SYN3: variants seen among roughly 807,000 people sequenced by gnomAD.
The protein encoded by SYN3 is synapsin-3.
In SYN3, 35 loss-of-function variants were observed where a neutral mutation model predicts 65.8. That is an observed-to-expected ratio of 0.53 (90% CI 0.41 to 0.70). The LOEUF (loss-of-function observed/expected upper bound fraction) is 0.70. Ranked by LOEUF, SYN3 falls within the 30% of genes least tolerant of loss-of-function variation. SYN3 has a pLI of 0.00. For missense variants in SYN3, 680 were observed against 749.0 expected (o/e 0.91, Z 1.08); for synonymous variants, 270 against 292.9 (o/e 0.92, Z 0.80).
intron 1 of SYN3, among the ~76,000 whole-genome samples, chr22:33,021,988 C>G (rs2145863762): frequency 6.6e-6 from 1 of 152,204 alleles, no homozygotes; most frequent in South Asian, 2.1e-4. Context: ...ACTATCTTCA[C>G]TTGTTGTTTG....
At chr22:32,828,056 C>T (rs910183707) in intron 6 of SYN3, among the ~76,000 whole-genome samples, 2 of 152,224 alleles carry the variant, frequency 1.3e-5, no homozygotes, top group African/African-American at 2.4e-5. Flanking sequence ...ATTCCTCCTC[C>T]GTTACTTAGG....
chr22:32,537,525 A>T (rs1308237370), intron 9 of SYN3, among the ~76,000 whole-genome samples: 1 of 152,212 alleles, frequency 6.6e-6, no homozygotes, highest in Non-Finnish European at 1.5e-5. Flanking sequence ...CCCTTCAGCC[A>T]GAGAGCATCC....
intron 8 of SYN3, among the ~76,000 whole-genome samples, chr22:32,540,441 A>G (rs2058236394): frequency 6.6e-6 from 1 of 152,210 alleles, no homozygotes; most frequent in Non-Finnish European, 1.5e-5. Context: ...CCCTGCACAC[A>G]GTCAGTGCCC....
intron 6 of SYN3, among the ~76,000 whole-genome samples, chr22:32,755,565 T>C (rs2045264596): frequency 6.6e-6 from 1 of 152,190 alleles, no homozygotes; most frequent in African/African-American, 2.4e-5. Flanking sequence ...GTTCTTTCCA[T>C]TAGTTTATCT....
chr22:32,561,064 A>G (rs1236073912), intron 7 of SYN3, among the ~76,000 whole-genome samples: 2 of 152,116 alleles, frequency 1.3e-5, no homozygotes, highest in African/African-American at 2.4e-5. Flanking sequence ...AAGCCTGCGG[A>G]GGAGCAGTTG....
At chr22:32,954,961 A>AT (rs1254063201) in intron 3 of SYN3, among the ~76,000 whole-genome samples, 1 of 109,784 alleles carries the variant, frequency 9.1e-6, no homozygotes, top group East Asian at 2.5e-4. Flanking sequence ...TTTTCTTTTC[A>AT]TTTTAAAGGT....
At chr22:32,858,013 G>A in intron 6 of SYN3, 2 of 1,614,148 alleles carry the variant, frequency 1.2e-6, no homozygotes, top group Non-Finnish European at 1.7e-6. Context: ...CTTTCCTCCT[G>A]TAGGTCGCGT....
At position 33,022,592 on chromosome 22, in the gene SYN3, C is replaced by T. The variant is rs115967738; in HGVS notation, c.-162-15768G>A. Among the ~76,000 whole-genome samples, 926 of 152,222 alleles carry T rather than the reference C, an allele frequency of 6.1e-3. 9 individuals are homozygous for T. Among genetic ancestry groups the T allele is most frequent in the African/African-American group, 0.021 (853 of 41,532 alleles). On this transcript the variant is annotated intron_variant, in intron 1 of 13. Coordinates refer to ENST00000358763, the MANE Select transcript of SYN3 (RefSeq NM_003490.4). The stretch of plus-strand genomic sequence containing the variant: ...ATCATTGTTCTCGTGAGTGGGACAC[C>T]GTGGGTCCCCAGACAAGAAGAATTT...
intron 6 of SYN3, among the ~76,000 whole-genome samples, chr22:32,655,060 GT>G (rs891110731): frequency 6.6e-6 from 1 of 152,216 alleles, no homozygotes; most frequent in Non-Finnish European, 1.5e-5. Flanking sequence ...GAATGGATGT[GT>G]CCCTCCAAAT....
chr22:32,827,198 CTT>C (rs1253408751), intron 6 of SYN3, among the ~76,000 whole-genome samples: 18 of 152,210 alleles, frequency 1.2e-4, no homozygotes, highest in Non-Finnish European at 1.6e-4. Flanking sequence ...CAGCGAGTGA[CTT>C]TGCGTGGAGT....
intron 4 of SYN3, among the ~76,000 whole-genome samples, chr22:32,880,353 C>G (rs137499): frequency 0.8 from 122,269 of 152,182 alleles, 49,618 homozygotes; most frequent in African/African-American, 0.88. Context: ...TGAGGGGTGA[C>G]GGTGGTAGCT....
intron 13 of SYN3, 59 bp from the exon 14 acceptor site, chr22:32,513,883 G>A (rs1249902874): frequency 1.2e-6 from 2 of 1,603,394 alleles, no homozygotes; most frequent in East Asian, 2.2e-5. Context: ...AAAGAAATGG[G>A]TCTTGGGGGC....
At position 32,538,052 on chromosome 22, in the gene SYN3, C is replaced by T. The variant is rs2058194654; in HGVS notation, c.976G>A (p.Val326Met). The T allele has an allele frequency of 1.2e-6, 2 of 1,614,166 alleles. No individual in the cohort carries two copies. The highest frequency in any genetic ancestry group is 2.2e-5 in the East Asian group (1 of 44,876). The stretch of plus-strand genomic sequence containing the variant: ...GTCTCTTACCTCTCTGTCATGGCCA[C>T]CTGCTCCAGCATGGCAGAGCCTGTG... ...ANTGSAMLEQVAMTERYRLWV... is the reference protein window; with the variant it reads ...ANTGSAMLEQMAMTERYRLWV... Residue 326 changes from valine to methionine, a missense_variant, in exon 9 of 14, where the codon GTG becomes ATG. Transcript: ENST00000358763.
intron 6 of SYN3, among the ~76,000 whole-genome samples, chr22:32,848,257 T>C (rs530725284): frequency 6.6e-6 from 1 of 152,262 alleles, no homozygotes; most frequent in African/African-American, 2.4e-5. Context: ...TTTGTATTCA[T>C]AGTTAACTAG....
intron 6 of SYN3, among the ~76,000 whole-genome samples, chr22:32,771,184 T>C (rs1377749390): frequency 6.6e-6 from 1 of 152,212 alleles, no homozygotes; most frequent in Non-Finnish European, 1.5e-5. Flanking sequence ...CTGTGTTAGT[T>C]TGCTGAGAAG....
rs540551035 is a variant in SYN3 at position 32,856,288 on chromosome 22, G to A, written c.711+8627C>T. Among the ~76,000 whole-genome samples the A allele has an allele frequency of 4.6e-5, 7 of 152,232 alleles. No individual in the cohort carries two copies. In the South Asian group the frequency reaches 6.2e-4, roughly 14 times the overall value. Reference sequence around the variant, plus strand: ...GCTGGGATGTCAGACATGTGTAGCCGAAGGAGTGTTGTGGGGCAGTTGGAA... The same window carrying A: ...GCTGGGATGTCAGACATGTGTAGCCAAAGGAGTGTTGTGGGGCAGTTGGAA... On this transcript the variant is annotated intron_variant, in intron 6 of 13. Transcript: ENST00000358763.
chr22:32,724,689 G>A (rs2061165740), intron 6 of SYN3, among the ~76,000 whole-genome samples: 1 of 152,154 alleles, frequency 6.6e-6, no homozygotes, highest in Non-Finnish European at 1.5e-5. Context: ...AAAGAGATCA[G>A]TCAAGTGTCG....
intron 6 of SYN3, among the ~76,000 whole-genome samples, chr22:32,744,668 C>T (rs9606990): frequency 0.19 from 28,556 of 152,132 alleles, 3,529 homozygotes; most frequent in East Asian, 0.49. Context: ...TCTCTCTTAC[C>T]GCAGGACTCT....
intron 1 of SYN3, chr22:33,015,294 C>T: frequency 4.9e-6 from 3 of 616,612 alleles, no homozygotes; most frequent in Admixed American, 3.6e-5. Context: ...TTTTAAACGG[C>T]GTTTGAACAA....
Sources: gnomAD v4.1 joint callset for allele counts (sites outside exome capture counted in the v4.1 genomes callset) on GRCh38, gnomAD v4.1.1 for gene constraint, MANE v1.5 for transcripts, NCBI Gene and HGNC (gene_info 2026-07-23, HGNC 2026-07-21) for gene names.